Variants in EPB41L1 observed in about 807,000 individuals in gnomAD.
EPB41L1 encodes the protein band 4.1-like protein 1.
In EPB41L1, 29 loss-of-function variants were observed where a neutral mutation model predicts 97.8. The ratio of observed to expected loss-of-function variants is 0.30; its 90% CI spans 0.22 to 0.40. EPB41L1 has a LOEUF of 0.40. EPB41L1 is among the 10% of genes least tolerant of loss of function. The pLI, the probability that EPB41L1 is intolerant of heterozygous loss-of-function variation, is 1.00. For synonymous variants in EPB41L1, 383 were observed against 459.2 expected (o/e 0.83, Z 2.12); for missense variants, 812 against 1,162.3 (o/e 0.70, Z 4.38).
intron 2 of EPB41L1, among the ~76,000 whole-genome samples, chr20:36,131,681 G>A (rs1348124501): frequency 6.6e-6 from 1 of 152,130 alleles, no homozygotes; most frequent in Non-Finnish European, 1.5e-5. Flanking sequence ...GAAATACTAC[G>A]GTAAGCCAGG....
chr20:36,186,134 C>A (rs2061674447), intron 7 of EPB41L1, among the ~76,000 whole-genome samples: 1 of 152,190 alleles, frequency 6.6e-6, no homozygotes, highest in South Asian at 2.1e-4. Flanking sequence ...ATGCCCATAA[C>A]ACCTTCTCAG....
chr20:36,186,753 T>C (rs1179116377), intron 7 of EPB41L1, among the ~76,000 whole-genome samples: 3 of 152,178 alleles, frequency 2.0e-5, no homozygotes, highest in African/African-American at 7.2e-5. Context: ...CAATATGGGC[T>C]GGAGAAATAC....
chr20:36,106,729 C>T (rs957337639), intron 1 of EPB41L1, among the ~76,000 whole-genome samples: 2 of 152,228 alleles, frequency 1.3e-5, no homozygotes, highest in Non-Finnish European at 2.9e-5. Flanking sequence ...CAGCCCAGGC[C>T]CTCAAGGACT....
In EPB41L1 at chr20:36,207,904, C is replaced by T. The variant is rs1430118773; in HGVS notation, c.1669-1584C>T. ...TCGTCATTTCTGCAATCAGAGGCTG[C>T]TTATCCATCCCTGTGAGTTTTTTCC... On this transcript the variant is annotated intron_variant, in intron 14 of 21. Coordinates refer to ENST00000338074, the MANE Select transcript of EPB41L1 (RefSeq NM_012156.2). This position sits in a 1 kb window ranked among gnomAD's most constrained non-coding sequence, Gnocchi z 4.9. 2 of 1,073,096 alleles carry T rather than the reference C, an allele frequency of 1.9e-6. No individual in the cohort carries two copies. The highest frequency in any genetic ancestry group is 3.3e-5 in the African/African-American group (2 of 60,420). The allele number at this position is 1,073,096 out of a possible 1,614,324, so 66.5% of individuals were successfully genotyped here. A position where few individuals can be genotyped will look rare whatever the true frequency, so the allele number is the denominator to read the frequency against.
At chr20:36,216,069 G>A (rs2063424232) in intron 17 of EPB41L1, among the ~76,000 whole-genome samples, 1 of 152,212 alleles carries the variant, frequency 6.6e-6, no homozygotes. Context: ...TGAGAACAGT[G>A]CCTGGCGCAT....
rs1178776298 is a variant in EPB41L1, at chr20:36,197,924, C to T, written c.1551C>T (p.Thr517=). Residue 517 remains threonine, a synonymous_variant, in exon 14 of 22, where the codon ACC becomes ACT. Transcript: ENST00000338074. ...HQASINELKR[T]LKEPNSKLIH... is the part of the protein sequence containing the mutation. ...CCAGCATCAATGAGCTCAAAAGGAC[C>T]CTGAAGGAGCCCAACAGCAAACTCA... 6.2e-7 allele frequency: 1 copy of T among 1,614,128 alleles called. No homozygotes were observed. Among genetic ancestry groups the T allele is most frequent in the Non-Finnish European group, 8.5e-7 (1 of 1,180,036 alleles).
At chr20:36,185,413 C>A in intron 7 of EPB41L1, 78 bp downstream of exon 7, 1 of 1,356,086 alleles carries the variant, frequency 7.4e-7, no homozygotes, top group Non-Finnish European at 1.0e-6. Context: ...ATGTCCTAGG[C>A]CGCCACATAC....
intron 2 of EPB41L1, among the ~76,000 whole-genome samples, chr20:36,140,668 T>A (rs1483951017): frequency 6.6e-6 from 1 of 152,200 alleles, no homozygotes; most frequent in Admixed American, 6.5e-5. Context: ...GCCCTAGGAT[T>A]TGGCTTCTTT....
chr20:36,123,223 G>A (rs995381016), intron 2 of EPB41L1, among the ~76,000 whole-genome samples: 5 of 152,118 alleles, frequency 3.3e-5, no homozygotes, highest in Middle Eastern at 3.4e-3. Flanking sequence ...AAAGGCCCTC[G>A]CACTTGCTGC....
chr20:36,170,066 A>G (rs2060922920), intron 1 of EPB41L1, among the ~76,000 whole-genome samples: 1 of 152,186 alleles, frequency 6.6e-6, no homozygotes, highest in Admixed American at 6.5e-5. Flanking sequence ...ACGGCCACCT[A>G]GGCTCCCTTT....
rs533182976 is a variant in EPB41L1, at chr20:36,207,802, C to G, written c.1669-1686C>G. 4.7e-6 allele frequency: 6 copies of G among 1,278,028 alleles called. No homozygotes were observed. The South Asian group carries it at 5.0e-5, about 11-fold the overall frequency. The allele number at this position is 1,278,028 out of a possible 1,614,324, so 79.2% of individuals were successfully genotyped here. A position where few individuals can be genotyped will look rare whatever the true frequency, so the allele number is the denominator to read the frequency against. On this transcript the variant is annotated intron_variant, in intron 14 of 21. Coordinates refer to ENST00000338074, the MANE Select transcript of EPB41L1 (RefSeq NM_012156.2). The surrounding 1 kb of genome is among the most constrained non-coding windows in gnomAD (Gnocchi z 4.9). The stretch of plus-strand genomic sequence containing the variant: ...TGGGGTAACTGGCCGCGTGAGCCCC[C>G]GCCCCCACCGCTGCTCCCCGCCCAT...
At chr20:36,200,706 C>G (rs906646088) in intron 14 of EPB41L1, among the ~76,000 whole-genome samples, 5 of 152,206 alleles carry the variant, frequency 3.3e-5, no homozygotes, top group Non-Finnish European at 5.9e-5. Context: ...ACTCCCTGAC[C>G]TAATCCACAA....
chr20:36,181,034 A>G (rs752830838), intron 5 of EPB41L1, among the ~76,000 whole-genome samples: 1 of 152,174 alleles, frequency 6.6e-6, no homozygotes, highest in Non-Finnish European at 1.5e-5. Flanking sequence ...ACCCCTGTAC[A>G]TGTGCATAAA....
At chr20:36,222,055 T>TC in intron 20 of EPB41L1, 111 bp downstream of exon 20, 1 of 1,217,274 alleles carries the variant, frequency 8.2e-7, no homozygotes, top group Non-Finnish European at 1.2e-6. Flanking sequence ...TGTCCACTTC[T>TC]TGCTGACCCT....
intron 1 of EPB41L1, among the ~76,000 whole-genome samples, chr20:36,169,043 T>G (rs6142527): frequency 6.6e-6 from 1 of 151,190 alleles, no homozygotes; most frequent in East Asian, 2.0e-4. Flanking sequence ...CTGGCCAAGA[T>G]GGTGAAACCC....
chr20:36,226,102 T>C (rs1393989313), intron 21 of EPB41L1, among the ~76,000 whole-genome samples: 1 of 152,194 alleles, frequency 6.6e-6, no homozygotes, highest in Non-Finnish European at 1.5e-5. Flanking sequence ...AGTCTGACTC[T>C]TAATACAGTC....
At chr20:36,188,745 C>T (rs1189919802) in intron 9 of EPB41L1, among the ~76,000 whole-genome samples, 11 of 150,876 alleles carry the variant, frequency 7.3e-5, no homozygotes, top group Admixed American at 2.0e-4. Flanking sequence ...TTTAGAAGGC[C>T]GAGGAAGGTG....
intron 1 of EPB41L1, among the ~76,000 whole-genome samples, chr20:36,167,716 TTAA>T (rs747803257): frequency 4.7e-5 from 7 of 150,114 alleles, no homozygotes; most frequent in African/African-American, 7.3e-5. Flanking sequence ...TCCAATAATA[TTAA>T]TAATAATAAT....
At chr20:36,163,484 G>C (rs752884918) in intron 1 of EPB41L1, among the ~76,000 whole-genome samples, 2 of 152,168 alleles carry the variant, frequency 1.3e-5, no homozygotes, top group Non-Finnish European at 2.9e-5. Context: ...TGACTTCTTA[G>C]CTTATTCTGC....
Sources: allele counts gnomAD v4.1 joint callset (sites outside exome capture counted in the v4.1 genomes callset), GRCh38; gene constraint gnomAD v4.1.1; non-coding constraint Gnocchi (gnomAD v3.1); transcripts MANE v1.5; gene names NCBI Gene and HGNC (gene_info 2026-07-23, HGNC 2026-07-21).